The following PARD3 variants were observed in gnomAD, a reference collection of about 807,000 sequenced individuals.
The protein encoded by PARD3 is par-3 family cell polarity regulator.
PARD3 carries 75 observed loss-of-function variants against 155.4 expected under a neutral mutation model. The observed-to-expected ratio is 0.48, with a 90% CI of 0.40 to 0.58. PARD3 has a LOEUF of 0.58. Ranked by LOEUF, PARD3 falls within the 20% of genes least tolerant of loss-of-function variation. The probability of loss-of-function intolerance (pLI) is 0.00; values close to 1 mark genes in which losing one functional copy is unlikely to be tolerated. For synonymous variants in PARD3, 576 were observed against 610.5 expected (o/e 0.94, Z 0.83); for missense variants, 1,642 against 1,721.7 (o/e 0.95, Z 0.82).
At chr10:34,280,643 C>A (rs1213893836) in intron 21 of PARD3, among the ~76,000 whole-genome samples, 6 of 152,154 alleles carry the variant, frequency 3.9e-5, no homozygotes, top group Non-Finnish European at 8.8e-5. Flanking sequence ...GGAAAACAAT[C>A]AACTCCGGTT....
At chr10:34,276,878 G>A (rs1460325203) in intron 21 of PARD3, among the ~76,000 whole-genome samples, 1 of 152,092 alleles carries the variant, frequency 6.6e-6, no homozygotes, top group Non-Finnish European at 1.5e-5. Flanking sequence ...ACAAGAAATA[G>A]AAACTGTCTT....
At chr10:34,756,477 T>TAAA (rs34468358) in intron 1 of PARD3, among the ~76,000 whole-genome samples, 94 of 83,220 alleles carry the variant, frequency 1.1e-3, no homozygotes, top group African/African-American at 1.4e-3. Context: ...TTTTTTCTTA[T>TAAA]AAAAAAAAAA....
intron 20 of PARD3, among the ~76,000 whole-genome samples, chr10:34,306,074 A>G (rs1360702474): frequency 1.3e-5 from 2 of 152,030 alleles, no homozygotes; most frequent in East Asian, 3.9e-4. Flanking sequence ...TGGGCGGATC[A>G]TTTGAGGTCC....
rs74555290 is a variant in PARD3 at position 34,180,861 on chromosome 10, T to C, written c.3420-49278A>G. Reference sequence around the variant, plus strand: ...TGAGTTCTAAATGACAAAAAGGACTTCTTTAACATGAGAAAACAGAACTGC... The same window carrying C: ...TGAGTTCTAAATGACAAAAAGGACTCCTTTAACATGAGAAAACAGAACTGC... On this transcript the variant is annotated intron_variant, in intron 22 of 24. Coordinates refer to ENST00000374788, the MANE Select transcript of PARD3 (RefSeq NM_001184785.2). Among the ~76,000 whole-genome samples the C allele has an allele frequency of 9.4e-4, 143 of 152,052 alleles. 5 individuals are homozygous for C. The East Asian group carries it at 0.026, about 28-fold the overall frequency.
chr10:34,695,609 A>C (rs2094154679), intron 2 of PARD3, among the ~76,000 whole-genome samples: 2 of 152,156 alleles, frequency 1.3e-5, no homozygotes, highest in Non-Finnish European at 2.9e-5. Flanking sequence ...AGAGTACAGA[A>C]AAAAAGTGGG....
chr10:34,420,219 C>T lies in PARD3; in HGVS notation c.715-18302G>A, dbSNP rs558705972. ...TATCCCCACAGTGCAAATATAAAAT[C>T]ATTGATTTAGTCACTCCTCCATTAA... On this transcript the variant is annotated intron_variant, in intron 5 of 24. Transcript: ENST00000374788. Among the ~76,000 whole-genome samples, 3 of 152,310 alleles carry T rather than the reference C, an allele frequency of 2.0e-5. No homozygotes were observed. The East Asian group carries it at 5.8e-4, about 29-fold the overall frequency.
intron 11 of PARD3, among the ~76,000 whole-genome samples, chr10:34,373,954 C>G (rs1840958482): frequency 2.6e-5 from 4 of 152,074 alleles, no homozygotes; most frequent in Non-Finnish European, 5.9e-5. Flanking sequence ...AACCTCGTTT[C>G]TAAAACCTTG....
intron 2 of PARD3, among the ~76,000 whole-genome samples, chr10:34,607,816 G>T (rs2090585679): frequency 6.6e-6 from 1 of 152,200 alleles, no homozygotes; most frequent in Non-Finnish European, 1.5e-5. Flanking sequence ...CCAAAGCTTT[G>T]TGAGAAACAT....
intron 2 of PARD3, among the ~76,000 whole-genome samples, chr10:34,680,858 T>A (rs1394519247): frequency 7.3e-6 from 1 of 137,382 alleles, no homozygotes; most frequent in African/African-American, 2.6e-5. Flanking sequence ...GGGGGAGGGA[T>A]AGCATTGGGA....
At chr10:34,298,056 C>T (rs142243962) in intron 20 of PARD3, among the ~76,000 whole-genome samples, 17 of 152,300 alleles carry the variant, frequency 1.1e-4, no homozygotes, top group African/African-American at 3.9e-4. Context: ...CTCTTTAAAC[C>T]TCAATTTCCT....
chr10:34,558,063 G>A (rs962802149), intron 2 of PARD3, among the ~76,000 whole-genome samples: 1 of 151,920 alleles, frequency 6.6e-6, no homozygotes, highest in African/African-American at 2.4e-5. Flanking sequence ...GGTGTTGCTG[G>A]CTGTATGTGC....
chr10:34,608,511 A>G (rs982334050), intron 2 of PARD3, among the ~76,000 whole-genome samples: 2 of 151,660 alleles, frequency 1.3e-5, no homozygotes, highest in Non-Finnish European at 2.9e-5. Flanking sequence ...ATTCAGAACA[A>G]AAGAATACAG....
At chr10:34,606,651 A>G (rs1240389814) in intron 2 of PARD3, among the ~76,000 whole-genome samples, 1 of 151,046 alleles carries the variant, frequency 6.6e-6, no homozygotes, top group Non-Finnish European at 1.5e-5. Context: ...AAAAAAAAAA[A>G]AAAAAAAAAA....
At chr10:34,280,403 CTGATTG>C (rs1190875443) in intron 21 of PARD3, among the ~76,000 whole-genome samples, 1 of 152,106 alleles carries the variant, frequency 6.6e-6, no homozygotes, top group African/African-American at 2.4e-5. Context: ...TTTTTGTTTT[CTGATTG>C]TAATTTTATG....
intron 2 of PARD3, among the ~76,000 whole-genome samples, chr10:34,632,828 T>C (rs868452982): frequency 1.3e-4 from 20 of 152,326 alleles, no homozygotes; most frequent in African/African-American, 2.4e-4. Context: ...GAATCAATTA[T>C]CATTCCGATT....
chr10:34,351,721 T>A (rs1838103879), intron 14 of PARD3, among the ~76,000 whole-genome samples: 4 of 152,244 alleles, frequency 2.6e-5, no homozygotes. Context: ...ATGCTTTTAT[T>A]GTACACTACT....
At chr10:34,341,928 C>T in intron 15 of PARD3, 112 bp from the exon 16 acceptor site, 2 of 624,192 alleles carry the variant, frequency 3.2e-6, no homozygotes, top group Non-Finnish European at 5.5e-6. Flanking sequence ...CACATATCTG[C>T]TCAACCTGGT....
At chr10:34,741,172 A>C (rs1234861453) in intron 1 of PARD3, among the ~76,000 whole-genome samples, 2 of 87,008 alleles carry the variant, frequency 2.3e-5, no homozygotes, top group Non-Finnish European at 5.5e-5. Context: ...TTCGTAAACC[A>C]AATTTTTTTT....
At chr10:34,273,108 G>A (rs1955706220) in intron 21 of PARD3, among the ~76,000 whole-genome samples, 1 of 152,118 alleles carries the variant, frequency 6.6e-6, no homozygotes, top group Non-Finnish European at 1.5e-5. Context: ...CAGTAATTGT[G>A]CCTCCCGGTA....
Sources: allele counts gnomAD v4.1 joint callset (sites outside exome capture counted in the v4.1 genomes callset), GRCh38; gene constraint gnomAD v4.1.1; transcripts MANE v1.5; gene names NCBI Gene and HGNC (gene_info 2026-07-23, HGNC 2026-07-21).